Variants in RFX7 observed in about 807,000 individuals in gnomAD.
RFX7 encodes the protein DNA-binding protein RFX7.
In RFX7, 26 loss-of-function variants were observed where a neutral mutation model predicts 111.8. That is an observed-to-expected ratio of 0.23 (90% CI 0.17 to 0.32). RFX7 has a LOEUF of 0.32. RFX7 is among the 10% of genes least tolerant of loss of function. The pLI is 1.00. For missense variants in RFX7, 1,573 were observed against 1,772.9 expected, an observed-to-expected ratio of 0.89 and a Z score of 2.02; for synonymous variants, 624 against 624.4, an observed-to-expected ratio of 1.00 and a Z score of 0.01.
chr15:56,134,774 C>G (rs1169069232), intron 5 of RFX7, among the ~76,000 whole-genome samples: 4 of 152,126 alleles, frequency 2.6e-5, no homozygotes, highest in Admixed American at 2.0e-4. Context: ...ACCGCCCTCC[C>G]CAACAACAGT....
Position 56,093,379 on chromosome 15 carries a change from C to T in RFX7, c.4349G>A (p.Ser1450Asn). ...MTSSGFEWIE[S>N]KDHPTVEMLG ...CATTTCAACAGTAGGATGGTCCTTG[C>T]TTTCTATCCATTCAAAACCTGATGA... Residue 1450 changes from serine to asparagine, a missense_variant, in exon 10 of 10, where the codon AGC becomes AAC. Around this residue, in one of 7 missense-constraint regions of RFX7, gnomAD observed 411 missense variants for 478.1 expected, o/e 0.86. Transcript: ENST00000559447. The T allele has an allele frequency of 6.2e-7, 1 of 1,612,820 alleles. No homozygotes were observed. Among genetic ancestry groups the T allele is most frequent in the Non-Finnish European group, 8.5e-7 (1 of 1,179,322 alleles).
At chr15:56,228,620 A>C (rs1390315847) in intron 2 of RFX7, among the ~76,000 whole-genome samples, 1 of 152,190 alleles carries the variant, frequency 6.6e-6, no homozygotes, top group Non-Finnish European at 1.5e-5. Context: ...ACTGACACTA[A>C]AGATTTTAGT....
chr15:56,222,503 G>A (rs1481140545), intron 2 of RFX7, among the ~76,000 whole-genome samples: 4 of 152,058 alleles, frequency 2.6e-5, no homozygotes, highest in African/African-American at 4.8e-5. Context: ...ATTGGCCCAC[G>A]AGTCACAGAG....
chr15:56,105,325 C>T (rs528664727), intron 5 of RFX7, among the ~76,000 whole-genome samples: 1 of 152,198 alleles, frequency 6.6e-6, no homozygotes, highest in East Asian at 1.9e-4. Flanking sequence ...ATTTATTTGT[C>T]TTCTTCATCA....
At chr15:56,171,432 T>C (rs1162790295) in intron 3 of RFX7, among the ~76,000 whole-genome samples, 1 of 151,950 alleles carries the variant, frequency 6.6e-6, no homozygotes, top group African/African-American at 2.4e-5. Context: ...TGAAAGAGAT[T>C]TGACTACAAA....
At chr15:56,151,359 T>C (rs1567028809) in intron 3 of RFX7, among the ~76,000 whole-genome samples, 1 of 152,170 alleles carries the variant, frequency 6.6e-6, no homozygotes. Context: ...ACAGCAGCTC[T>C]CTCGGCAGAA....
intron 5 of RFX7, among the ~76,000 whole-genome samples, chr15:56,137,495 T>G (rs914094673): frequency 8.5e-5 from 13 of 152,188 alleles, no homozygotes; most frequent in Non-Finnish European, 1.5e-4. Flanking sequence ...ATCTATTCGA[T>G]TCTTCTCTCT....
chr15:56,234,808 A>G (rs914275720), intron 2 of RFX7, among the ~76,000 whole-genome samples: 27 of 152,342 alleles, frequency 1.8e-4, no homozygotes, highest in African/African-American at 6.3e-4. Context: ...AGATATATTC[A>G]ATCTCCAAAT....
At chr15:56,145,205 C>T (rs1017373967) in intron 3 of RFX7, among the ~76,000 whole-genome samples, 1 of 152,080 alleles carries the variant, frequency 6.6e-6, no homozygotes, top group African/African-American at 2.4e-5. Flanking sequence ...CTCAGTTTGC[C>T]ATAATGGCTC....
At chr15:56,201,701 T>C (rs2043194336) in intron 2 of RFX7, among the ~76,000 whole-genome samples, 1 of 152,196 alleles carries the variant, frequency 6.6e-6, no homozygotes, top group African/African-American at 2.4e-5. Context: ...CAAAGCGATG[T>C]ATGGATAAGA....
intron 5 of RFX7, among the ~76,000 whole-genome samples, chr15:56,134,873 T>C (rs1285745698): frequency 1.3e-5 from 2 of 152,160 alleles, no homozygotes; most frequent in South Asian, 2.1e-4. Context: ...TGTTTGGTTT[T>C]TTGTTCTTGC....
At chr15:56,228,134 A>AT (rs2043506680) in intron 2 of RFX7, among the ~76,000 whole-genome samples, 1 of 150,878 alleles carries the variant, frequency 6.6e-6, no homozygotes, top group Non-Finnish European at 1.5e-5. Flanking sequence ...GCTTTTCAAG[A>AT]TTTTCTCTAA....
At chr15:56,106,076 T>A (rs918283968) in intron 5 of RFX7, among the ~76,000 whole-genome samples, 2 of 151,958 alleles carry the variant, frequency 1.3e-5, no homozygotes. Context: ...AAGAGGGGAG[T>A]GAGAGATGAC....
At chr15:56,203,430 C>T (rs1327989189) in intron 2 of RFX7, among the ~76,000 whole-genome samples, 8 of 152,002 alleles carry the variant, frequency 5.3e-5, no homozygotes, top group Non-Finnish European at 1.2e-4. Context: ...GATTAAGTTC[C>T]CCTATCCTTA....
chr15:56,220,288 T>C (rs1414907303), intron 2 of RFX7, among the ~76,000 whole-genome samples: 2 of 152,180 alleles, frequency 1.3e-5, no homozygotes, highest in African/African-American at 4.8e-5. Context: ...TGAAATGCAG[T>C]GGCGTGATCT....
chr15:56,216,204 T>C (rs1411813157), intron 2 of RFX7, among the ~76,000 whole-genome samples: 1 of 152,160 alleles, frequency 6.6e-6, no homozygotes, highest in Non-Finnish European at 1.5e-5. Context: ...AAGTTCTGAG[T>C]TTGTATAAGA....
intron 5 of RFX7, among the ~76,000 whole-genome samples, chr15:56,107,399 T>C (rs1224678610): frequency 6.6e-6 from 1 of 151,368 alleles, no homozygotes; most frequent in African/African-American, 2.4e-5. Flanking sequence ...AAGCCTAATA[T>C]TCAATATGAC....
At chr15:56,244,582 C>T (rs1337073934), upstream of RFX7, among the ~76,000 whole-genome samples, 1 of 148,560 alleles carries the variant, frequency 6.7e-6, no homozygotes, top group Non-Finnish European at 1.5e-5. Flanking sequence ...ACCTCCCCAC[C>T]CCACCCCACC....
rs976362819 is a variant in RFX7, at chr15:56,209,646, T to C, written c.162-30343A>G. Among the ~76,000 whole-genome samples the C allele has an allele frequency of 4.6e-5, 7 of 152,134 alleles. No homozygotes were observed. In the South Asian group the frequency reaches 6.2e-4, roughly 14 times the overall value. ...ACATATGCTTCTATATAAACAAAAT[T>C]AATGACAGTAGTAATATAAGAAACC... On this transcript the variant is annotated intron_variant, in intron 2 of 9. Coordinates refer to ENST00000559447, the MANE Select transcript of RFX7 (RefSeq NM_022841.7).
Sources: allele counts gnomAD v4.1 joint callset (sites outside exome capture counted in the v4.1 genomes callset), GRCh38; gene constraint gnomAD v4.1.1; regional missense constraint gnomAD v4.1.1; transcripts MANE v1.5; gene names NCBI Gene and HGNC (gene_info 2026-07-23, HGNC 2026-07-21).